WDR54: variants seen among roughly 807,000 people sequenced by gnomAD.
WDR54 encodes the protein WD repeat-containing protein 54.
WDR54 carries 44 observed loss-of-function variants against 44.1 expected under a neutral mutation model. That is an observed-to-expected ratio of 1.00 (90% CI 0.78 to 1.28). The LOEUF is 1.28. WDR54 is among the 50% of genes most tolerant of loss of function. The probability of loss-of-function intolerance (pLI) is 0.00; values close to 1 mark genes in which losing one functional copy is unlikely to be tolerated. For missense variants in WDR54, 409 were observed against 429.7 expected, an observed-to-expected ratio of 0.95 and a Z score of 0.43; for synonymous variants, 169 against 169.8, an observed-to-expected ratio of 1.00 and a Z score of 0.04.
rs1351675218 is a variant in WDR54, at chr2:74,423,873, T to C, written c.425T>C (p.Val142Ala). Residue 142 changes from valine (V) to alanine (A), a missense_variant, in exon 6 of 10, where the codon GTG becomes GCG. Coordinates refer to ENST00000348227, the MANE Select transcript of WDR54 (RefSeq NM_032118.4). The stretch of plus-strand genomic sequence containing the variant: ...GATACAGGAACGTGGTCAGGCCGGG[T>C]GCTGGTGTTTGACATCCCAGCAAAG... ...FICVGTWSGR[V>A]LVFDIPAKGP... 6.2e-7 allele frequency: 1 copy of C among 1,614,090 alleles called. No homozygotes were observed.
Position 74,423,881 on chromosome 2 carries a change from T to A in WDR54, c.433T>A (p.Phe145Ile). Residue 145 changes from phenylalanine (F) to isoleucine (I), a missense_variant, in exon 6 of 10, where the codon TTT (phenylalanine) becomes ATT (isoleucine). Phe to Ile is a conservative substitution (Grantham distance 21). Transcript: ENST00000348227. ...VGTWSGRVLV[F>I]DIPAKGPNIV... ...AACGTGGTCAGGCCGGGTGCTGGTG[T>A]TTGACATCCCAGCAAAGGGTCCCAA... 6.2e-7 allele frequency: 1 copy of A among 1,614,124 alleles called. No individual in the cohort carries two copies. Among genetic ancestry groups the A allele is most frequent in the Non-Finnish European group, 8.5e-7 (1 of 1,180,014 alleles).
chr2:74,425,271 T>C, intron 8 of WDR54, 34 bp downstream of exon 8: 1 of 1,537,134 alleles, frequency 6.5e-7, no homozygotes, highest in South Asian at 1.3e-5. Context: ...CATACCCTTT[T>C]TCCTGGCAGT....
At chr2:74,423,679 G>T in intron 5 of WDR54, 148 bp downstream of exon 5, 1 of 1,427,080 alleles carries the variant, frequency 7.0e-7, no homozygotes, top group African/African-American at 1.4e-5. Context: ...CCATGGAAGG[G>T]TTCAGAGGGT....
In WDR54 at chr2:74,423,669, C is replaced by T. The variant is rs373428222; in HGVS notation, c.406+138C>T. 6.8e-5 allele frequency: 98 copies of T among 1,438,040 alleles called. No homozygotes were observed. The South Asian group carries it at 6.9e-4, about 10-fold the overall frequency. The allele number at this position is 1,438,040 out of a possible 1,614,324, so 89.1% of individuals were successfully genotyped here. On this transcript the variant is annotated intron_variant, in intron 5 of 9. Transcript: ENST00000348227. ...GAGTGGAATCAGAGACTCCAGTAAA[C>T]CATGGAAGGGTTCAGAGGGTCAGGG... is the stretch of plus-strand genomic sequence containing the variant.
Position 74,425,463 on chromosome 2 carries a change from G to A in WDR54, c.845G>A (p.Ser282Asn). The A allele has an allele frequency of 6.2e-7, 1 of 1,614,232 alleles. No individual in the cohort carries two copies. Among genetic ancestry groups the A allele is most frequent in the Middle Eastern group, 1.6e-4 (1 of 6,062 alleles). The change falls in exon 9 of 10, where the codon AGC becomes AAC. Residue 282 changes from serine (S) to asparagine (N), a missense_variant. Transcript: ENST00000348227. ...EDTFVHIWKL[S>N]RNPESGYIEV... is the part of the protein sequence containing the mutation. ...ACCTTTGTGCATATCTGGAAGCTGA[G>A]CAGAAACCCAGAGAGTGGCTACATT...
chr2:74,424,282 A>G (rs1670258137), intron 6 of WDR54, among the ~76,000 whole-genome samples: 1 of 152,150 alleles, frequency 6.6e-6, no homozygotes, highest in East Asian at 1.9e-4. Context: ...AGTCCCACCT[A>G]TTCAGGCCCA....
chr2:74,423,637 G>A (rs2103856129), intron 5 of WDR54, 106 bp downstream of exon 5: 8 of 1,508,160 alleles, frequency 5.3e-6, no homozygotes, highest in Non-Finnish European at 7.3e-6. Context: ...AGGGAAGGGT[G>A]GAAGTGGAGT....
Position 74,422,200 on chromosome 2 carries a change from C to T in WDR54, c.47C>T (p.Ala16Val), listed in dbSNP as rs753315033. The T allele has an allele frequency of 3.7e-6, 6 of 1,614,022 alleles. No individual in the cohort carries two copies. The highest frequency in any genetic ancestry group is 1.7e-5 in the Admixed American group (1 of 60,032). The change falls in exon 2 of 10, where the codon GCC becomes GTC. Residue 16 changes from alanine to valine, a missense_variant. Physicochemically the swap from Ala to Val is moderately conservative, Grantham distance 64. Transcript: ENST00000348227. ...RSIPLRGSAA[A>V]LCNNLSVLQL... ...ATTCCCCTGCGAGGCTCGGCCGCCG[C>T]CCTGTGCAACAACCTCAGTGTGCTG... is the stretch of plus-strand genomic sequence containing the variant.
At position 74,422,335 on chromosome 2, in the gene WDR54, C is replaced by A. The variant is rs747405486; in HGVS notation, c.182C>A (p.Ala61Asp). 1 of 1,614,146 alleles carries A rather than the reference C, an allele frequency of 6.2e-7. No individual in the cohort carries two copies. Among genetic ancestry groups the A allele is most frequent in the Non-Finnish European group, 8.5e-7 (1 of 1,180,004 alleles). Residue 61 changes from alanine (A) to aspartate (D), a missense_variant, in exon 2 of 10, where the codon GCT becomes GAT. Physicochemically the swap from Ala to Asp is moderately radical, Grantham distance 126 (BLOSUM62 -2). Transcript: ENST00000348227. ...CCCTTGGCCCAGCGCCAGCTCCACG[C>A]TAAGGAGGGTGCTGGAGTGAGTCCC... ...GVPLAQRQLH[A>D]KEGAGVSPPL... is the part of the protein sequence containing the mutation.
At chr2:74,424,579 G>T (rs183120442) in intron 6 of WDR54, among the ~76,000 whole-genome samples, 1 of 152,188 alleles carries the variant, frequency 6.6e-6, no homozygotes, top group Non-Finnish European at 1.5e-5. Flanking sequence ...CCTCCAGAAG[G>T]TCACGACACT....
chr2:74,424,611 A>G (rs1207709766), intron 6 of WDR54, among the ~76,000 whole-genome samples: 1 of 152,174 alleles, frequency 6.6e-6, no homozygotes, highest in East Asian at 1.9e-4. Flanking sequence ...TTTATCATCC[A>G]TCCAGTGAGG....
At position 74,425,725 on chromosome 2, in the gene WDR54, T is replaced by C; in HGVS notation, c.*24T>C. The C allele has an allele frequency of 6.2e-7, 1 of 1,613,890 alleles. No homozygotes were observed. The highest frequency in any genetic ancestry group is 8.5e-7 in the Non-Finnish European group (1 of 1,179,932). Reference sequence around the variant, plus strand: ...GAGAAGAGCAGCCTTCCTTTGTCCCTGTGGTATTCATAAAGTACCCGCTCC... The same window carrying C: ...GAGAAGAGCAGCCTTCCTTTGTCCCCGTGGTATTCATAAAGTACCCGCTCC... On this transcript the variant is annotated 3_prime_UTR_variant, in exon 10 of 10. Transcript: ENST00000348227.
intron 3 of WDR54, 153 bp from the exon 4 acceptor site, chr2:74,423,166 C>T: frequency 1.0e-6 from 1 of 979,556 alleles, no homozygotes; most frequent in Non-Finnish European, 1.6e-6. Flanking sequence ...TTCTCACTCT[C>T]ACTGTTGTCC....
At chr2:74,424,794 C>T in intron 6 of WDR54, 81 bp from the exon 7 acceptor site, 1 of 1,557,856 alleles carries the variant, frequency 6.4e-7, no homozygotes. Flanking sequence ...GATGCACACA[C>T]TGCCTCCCTT....
chr2:74,424,631 A>G (rs1374533140), intron 6 of WDR54, among the ~76,000 whole-genome samples: 1 of 152,172 alleles, frequency 6.6e-6, no homozygotes, highest in East Asian at 1.9e-4. Flanking sequence ...GCAATTATGC[A>G]CCCCCTCCTA....
intron 3 of WDR54, 24 bp downstream of exon 3, chr2:74,422,956 GC>G: frequency 6.2e-7 from 1 of 1,613,112 alleles, no homozygotes; most frequent in Non-Finnish European, 8.5e-7. Flanking sequence ...TCTCCTGCTT[GC>G]CCCACCAGAG....
In WDR54 at chr2:74,422,920, T is replaced by C. The variant is rs1670185587; in HGVS notation, c.273T>C (p.His91=). ...PFRVLLVLTS[H]RGIQMYESNG... ...GAGTGCTGCTGGTACTCACCTCACA[T>C]CGAGGAATACAGGTAAGAAGAGGAC... Residue 91 remains histidine, a synonymous_variant, in exon 3 of 10, where the codon CAT becomes CAC. Transcript: ENST00000348227. 1.2e-6 allele frequency: 2 copies of C among 1,613,852 alleles called. No individual in the cohort carries two copies. The highest frequency in any genetic ancestry group is 1.7e-6 in the Non-Finnish European group (2 of 1,179,948).
Position 74,421,775 on chromosome 2 carries a change from C to A in WDR54, c.-43C>A. The A allele has an allele frequency of 1.5e-6, 1 of 664,500 alleles. No homozygotes were observed. 41.2% of individuals were successfully genotyped at this position (664,500 alleles called of 1,614,324 possible). A position where few individuals can be genotyped will look rare whatever the true frequency, so the allele number is the denominator to read the frequency against. On this transcript the variant is annotated 5_prime_UTR_variant, in exon 1 of 10. Coordinates refer to ENST00000348227, the MANE Select transcript of WDR54 (RefSeq NM_032118.4). ...TATGGTGGCGGCGGATTTGGAGGGA[C>A]CCTACGAACCAGGAGTCAGGCGAGC...
rs746464962 is a variant in WDR54, at chr2:74,425,630, G to A, written c.934G>A (p.Asp312Asn). The A allele has an allele frequency of 2.5e-6, 4 of 1,614,232 alleles. No homozygotes were observed. Among genetic ancestry groups the A allele is most frequent in the Non-Finnish European group, 2.5e-6 (3 of 1,180,044 alleles). Reference sequence around the variant, plus strand: ...CCAGCTGTGTGGTGCTCGATTTTGTGATTCCTCAGGCAACTCCTTTGCTGT... The same window carrying A: ...CCAGCTGTGTGGTGCTCGATTTTGTAATTCCTCAGGCAACTCCTTTGCTGT... ...DTQLCGARFC[D>N]SSGNSFAVTG... The change falls in exon 10 of 10, where the codon GAT (aspartate) becomes AAT (asparagine). Residue 312 changes from aspartate to asparagine, a missense_variant. By Grantham distance (23) the Asp-to-Asn change is conservative (BLOSUM62 1). Coordinates refer to ENST00000348227, the MANE Select transcript of WDR54 (RefSeq NM_032118.4).
Sources: gnomAD v4.1 joint callset for allele counts (sites outside exome capture counted in the v4.1 genomes callset) on GRCh38, gnomAD v4.1.1 for gene constraint, MANE v1.5 for transcripts, NCBI Gene and HGNC (gene_info 2026-07-23, HGNC 2026-07-21) for gene names.